ATG4C: variants seen among roughly 807,000 people sequenced by gnomAD.
The protein encoded by ATG4C is autophagy related 4C cysteine peptidase, also known as cysteine protease ATG4C.
In ATG4C, 56 loss-of-function variants were observed where a neutral mutation model predicts 57.6. The observed-to-expected ratio is 0.97, with a 90% CI of 0.78 to 1.21. The LOEUF is 1.21. Ranked by LOEUF, ATG4C falls within the 50% of genes most tolerant of loss-of-function variation. The probability of loss-of-function intolerance (pLI) is 0.00; values close to 1 mark genes in which losing one functional copy is unlikely to be tolerated. For missense variants in ATG4C, 595 were observed against 529.8 expected (o/e 1.12, Z -1.21); for synonymous variants, 157 against 174.1 (o/e 0.90, Z 0.78).
intron 7 of ATG4C, among the ~76,000 whole-genome samples, chr1:62,831,813 AC>A (rs1218994138): frequency 6.6e-6 from 1 of 152,208 alleles, no homozygotes; most frequent in Non-Finnish European, 1.5e-5. Flanking sequence ...AGCGTTTATT[AC>A]TAAACTTGCT....
chr1:62,831,522 C>T (rs140316611), intron 7 of ATG4C, among the ~76,000 whole-genome samples: 20 of 152,080 alleles, frequency 1.3e-4, no homozygotes, highest in Middle Eastern at 3.4e-3. Context: ...GTGCTTTATT[C>T]GTCCTTACCA....
At chr1:62,811,057 C>T (rs746643984) in intron 3 of ATG4C, among the ~76,000 whole-genome samples, 2 of 152,046 alleles carry the variant, frequency 1.3e-5, no homozygotes, top group East Asian at 1.9e-4. Flanking sequence ...TGGAGAGTTT[C>T]GTTCATTTGT....
chr1:62,825,511 A>G (rs897299808), intron 6 of ATG4C, among the ~76,000 whole-genome samples: 2 of 151,998 alleles, frequency 1.3e-5, no homozygotes, highest in African/African-American at 4.8e-5. Context: ...ATCTCTAAAA[A>G]TGTCATGTTT....
chr1:62,859,758 C>T (rs1666793945), intron 10 of ATG4C, among the ~76,000 whole-genome samples: 1 of 151,668 alleles, frequency 6.6e-6, no homozygotes, highest in South Asian at 2.1e-4. Context: ...TGCAGTGGTG[C>T]AATCTTGACT....
chr1:62,817,845 A>T lies in ATG4C; in HGVS notation c.394+1037A>T, dbSNP rs11208037. On this transcript the variant is annotated intron_variant, in intron 4 of 10. Coordinates refer to ENST00000317868, the MANE Select transcript of ATG4C (RefSeq NM_032852.4). ...GATTATTAAATATTGTCAGATTTTT[A>T]TAAGTGTTAAGACAGTATCCCTACA... 2.6e-5 allele frequency among the ~76,000 whole-genome samples: 4 copies of T among 152,014 alleles called. No individual in the cohort carries two copies. The East Asian group carries it at 5.8e-4, about 22-fold the overall frequency.
intron 6 of ATG4C, among the ~76,000 whole-genome samples, chr1:62,825,152 C>A (rs1016317106): frequency 6.5e-4 from 98 of 151,520 alleles, no homozygotes; most frequent in African/African-American, 2.3e-3. Context: ...AGGAGAATCC[C>A]TTGAACCTAG....
At chr1:62,860,183 C>T (rs1666807158) in intron 10 of ATG4C, among the ~76,000 whole-genome samples, 1 of 152,174 alleles carries the variant, frequency 6.6e-6, no homozygotes, top group African/African-American at 2.4e-5. Context: ...ACTAGAAGGT[C>T]TCCAGGGATG....
chr1:62,794,082 A>G (rs1340890575), intron 1 of ATG4C, among the ~76,000 whole-genome samples: 1 of 152,242 alleles, frequency 6.6e-6, no homozygotes, highest in African/African-American at 2.4e-5. Flanking sequence ...ATCAAGGCTT[A>G]AGGCTATCTT....
chr1:62,801,834 T>C (rs1416265363), intron 1 of ATG4C, among the ~76,000 whole-genome samples: 1 of 149,922 alleles, frequency 6.7e-6, no homozygotes, highest in Non-Finnish European at 1.5e-5. Context: ...GGCAGGCGCC[T>C]GGAGTCCCAG....
rs1666957678 is a variant in ATG4C, at chr1:62,864,818, T to C, written c.*659T>C. On this transcript the variant is annotated 3_prime_UTR_variant, in exon 11 of 11. Transcript: ENST00000317868. The stretch of plus-strand genomic sequence containing the variant: ...ACAAATTTAAAGATTATGTTATTAA[T>C]ACTATTATAACTGCATCAATCAAGT... The C allele has an allele frequency of 6.6e-6, 1 of 152,010 alleles. No homozygotes were observed. Among genetic ancestry groups the C allele is most frequent in the Non-Finnish European group, 1.5e-5 (1 of 67,886 alleles). The allele number at this position is 152,010 out of a possible 1,614,324, so 9.4% of individuals were successfully genotyped here. A position where few individuals can be genotyped will look rare whatever the true frequency, so the allele number is the denominator to read the frequency against.
chr1:62,819,457 A>G (rs1665411047), intron 5 of ATG4C, 122 bp downstream of exon 5: 2 of 721,918 alleles, frequency 2.8e-6, no homozygotes, highest in Non-Finnish European at 4.1e-6. Context: ...GAATGTTGAT[A>G]AAGACGCTTT....
At chr1:62,795,871 T>C (rs931232871) in intron 1 of ATG4C, among the ~76,000 whole-genome samples, 3 of 151,838 alleles carry the variant, frequency 2.0e-5, no homozygotes, top group Non-Finnish European at 4.4e-5. Flanking sequence ...TAATAATTTC[T>C]CATAGTTTTT....
intron 7 of ATG4C, among the ~76,000 whole-genome samples, chr1:62,829,541 ACTCT>A (rs908036723): frequency 6.6e-6 from 1 of 151,504 alleles, no homozygotes; most frequent in African/African-American, 2.4e-5. Flanking sequence ...TATTGAAAAA[ACTCT>A]CTATTACTGC....
intron 10 of ATG4C, among the ~76,000 whole-genome samples, chr1:62,858,888 G>A (rs1666764456): frequency 6.6e-6 from 1 of 152,050 alleles, no homozygotes; most frequent in Non-Finnish European, 1.5e-5. Context: ...GACTATATGA[G>A]CTCTTGTAAC....
intron 4 of ATG4C, among the ~76,000 whole-genome samples, chr1:62,817,324 ATCAAT>A (rs1215956283): frequency 2.0e-5 from 3 of 152,128 alleles, no homozygotes; most frequent in Admixed American, 6.6e-5. Context: ...ATTATATTAA[ATCAAT>A]TAGACATACT....
intron 10 of ATG4C, among the ~76,000 whole-genome samples, chr1:62,846,494 C>A (rs1666328723): frequency 3.3e-5 from 5 of 152,076 alleles, no homozygotes; most frequent in Non-Finnish European, 5.9e-5. Context: ...AATTGTTTTC[C>A]AAATTTTATA....
At chr1:62,857,554 A>G (rs1488689617) in intron 10 of ATG4C, among the ~76,000 whole-genome samples, 1 of 152,110 alleles carries the variant, frequency 6.6e-6, no homozygotes, top group East Asian at 1.9e-4. Flanking sequence ...AATGCACTTC[A>G]ATCATCCTGA....
chr1:62,832,122 G>T (rs1212364997), intron 7 of ATG4C, among the ~76,000 whole-genome samples: 2 of 152,164 alleles, frequency 1.3e-5, no homozygotes, highest in African/African-American at 2.4e-5. Context: ...TTACTGTTTA[G>T]TGAGATTTTT....
chr1:62,842,363 G>C (rs997330120), intron 10 of ATG4C, among the ~76,000 whole-genome samples: 1 of 149,940 alleles, frequency 6.7e-6, no homozygotes, highest in Non-Finnish European at 1.5e-5. Flanking sequence ...GTGCAATGGC[G>C]CGATCTCGGC....
Sources: allele counts gnomAD v4.1 joint callset (sites outside exome capture counted in the v4.1 genomes callset), GRCh38; gene constraint gnomAD v4.1.1; transcripts MANE v1.5; gene names NCBI Gene and HGNC (gene_info 2026-07-23, HGNC 2026-07-21).